PILRB: variants seen among roughly 807,000 people sequenced by gnomAD.
PILRB encodes the protein paired immunoglobin like type 2 receptor beta, also known as paired immunoglobulin-like type 2 receptor beta.
A neutral mutation model predicts 20.5 loss-of-function variants in PILRB; 21 were observed. The observed-to-expected ratio is 1.02, with a 90% CI of 0.72 to 1.47. The LOEUF is 1.47. Among genes scored for constraint, PILRB ranks in the 40% most tolerant of loss-of-function variants. The pLI is 0.00. For synonymous variants in PILRB, 133 were observed against 115.1 expected, an observed-to-expected ratio of 1.16 and a Z score of -0.99; for missense variants, 253 against 272.1, an observed-to-expected ratio of 0.93 and a Z score of 0.49.
chr7:100,363,633 A>G (rs1781097756), intron 3 of PILRB, among the ~76,000 whole-genome samples: 1 of 152,220 alleles, frequency 6.6e-6, no homozygotes, highest in African/African-American at 2.4e-5. Context: ...TGCAAATCCT[A>G]TGAAAACCCC....
chr7:100,367,513 C>A lies in PILRB; in HGVS notation c.*136C>A. On this transcript the variant is annotated 3_prime_UTR_variant, in exon 4 of 4. Transcript: ENST00000609309. ...CCCTGAGGACCTTTAAAAGGCAAAG[C>A]CGCAAGGCAGAAGGAGGCTGGGTCC... is the stretch of plus-strand genomic sequence containing the variant. The A allele has an allele frequency of 1.5e-6, 1 of 685,774 alleles. No individual in the cohort carries two copies. Among genetic ancestry groups the A allele is most frequent in the South Asian group, 1.6e-5 (1 of 63,238 alleles). The allele number at this position is 685,774 out of a possible 1,614,324, so 42.5% of individuals were successfully genotyped here. A position where few individuals can be genotyped will look rare whatever the true frequency, so the allele number is the denominator to read the frequency against.
intron 3 of PILRB, among the ~76,000 whole-genome samples, chr7:100,362,034 A>G (rs1354594995): frequency 6.6e-6 from 1 of 152,188 alleles, no homozygotes; most frequent in African/African-American, 2.4e-5. Flanking sequence ...AGGAGATCAC[A>G]GAAGGTCAAG....
intron 3 of PILRB, 140 bp downstream of exon 3, chr7:100,359,677 T>C: frequency 1.4e-6 from 1 of 711,910 alleles, no homozygotes; most frequent in South Asian, 1.7e-5. Context: ...TGGCCTGTGC[T>C]GGGGCGTCTG....
intron 3 of PILRB, among the ~76,000 whole-genome samples, chr7:100,364,651 CACAATATTAA>C: frequency 6.6e-6 from 1 of 152,300 alleles, no homozygotes; most frequent in South Asian, 2.1e-4. Flanking sequence ...CCTTAGCCTC[CACAATATTAA>C]AAGTAGAACT....
chr7:100,361,066 G>T lies in PILRB; in HGVS notation c.655+1529G>T, dbSNP rs546028406. Among the ~76,000 whole-genome samples the T allele has an allele frequency of 3.9e-5, 6 of 152,242 alleles. No individual in the cohort carries two copies. In the East Asian group the frequency reaches 9.7e-4, roughly 25 times the overall value. On this transcript the variant is annotated intron_variant, in intron 3 of 3. Coordinates refer to ENST00000609309, the MANE Select transcript of PILRB (RefSeq NM_178238.4). ...TTCTCCTGCCTCAGCCTCCTGAGTAGCTGGGACTACAGGCGCCCGCCACCA... is the reference window on the plus strand; with the variant it reads ...TTCTCCTGCCTCAGCCTCCTGAGTATCTGGGACTACAGGCGCCCGCCACCA...
In PILRB at chr7:100,362,603, G is replaced by A. The variant is rs191935200; in HGVS notation, c.655+3066G>A. On this transcript the variant is annotated intron_variant, in intron 3 of 3. Transcript: ENST00000609309. ...GGCTCACTGCAACTTCTGCCTCCCG[G>A]GTTCAAGCGATTCTTCCACCTCATC... 6.9e-3 allele frequency among the ~76,000 whole-genome samples: 1,048 copies of A among 152,050 alleles called. 15 individuals carry two copies. The highest frequency in any genetic ancestry group is 5.9e-3 in the Non-Finnish European group (402 of 67,960).
intron 3 of PILRB, among the ~76,000 whole-genome samples, chr7:100,360,111 C>T (rs767133679): frequency 5.3e-5 from 8 of 152,198 alleles, no homozygotes; most frequent in South Asian, 2.1e-4. Context: ...CAATCATCCA[C>T]GCTCCCCTGA....
intron 2 of PILRB, 39 bp downstream of exon 2, chr7:100,359,118 A>T: frequency 6.2e-7 from 1 of 1,612,776 alleles, no homozygotes; most frequent in Non-Finnish European, 8.5e-7. Context: ...TGCCCACCGC[A>T]GTGAGGGTTT....
At chr7:100,362,913 T>A (rs1010986844) in intron 3 of PILRB, among the ~76,000 whole-genome samples, 2 of 151,874 alleles carry the variant, frequency 1.3e-5, no homozygotes, top group Non-Finnish European at 2.9e-5. Context: ...AGTCTTTCAG[T>A]CATTTTAGGT....
intron 3 of PILRB, among the ~76,000 whole-genome samples, chr7:100,365,006 G>T (rs1286165087): frequency 5.3e-5 from 8 of 151,958 alleles, no homozygotes; most frequent in African/African-American, 1.9e-4. Context: ...TTTTTATTTA[G>T]TTATTTATTT....
rs1010334475 is a variant in PILRB, at chr7:100,367,218, C to G, written c.656-131C>G. 9.7e-6 allele frequency: 8 copies of G among 828,238 alleles called. No homozygotes were observed. The East Asian group carries it at 1.2e-4, about 13-fold the overall frequency. 51.3% of individuals were successfully genotyped at this position (828,238 alleles called of 1,614,324 possible). The stretch of plus-strand genomic sequence containing the variant: ...AGGGACTGTGCTGCTAAGAACCCCA[C>G]AAGCCCAGCCTGCCACAAATTCTCC... On this transcript the variant is annotated intron_variant, in intron 3 of 3. Transcript: ENST00000609309.
At chr7:100,358,461 C>A in intron 1 of PILRB, 95 bp downstream of exon 1, 2 of 1,461,764 alleles carry the variant, frequency 1.4e-6, no homozygotes, top group Non-Finnish European at 1.9e-6. Flanking sequence ...AGGGGCCAGG[C>A]TCCCACCTCC....
chr7:100,367,682 T>C lies in PILRB; in HGVS notation c.*305T>C. 2.5e-6 allele frequency: 1 copy of C among 393,574 alleles called. No homozygotes were observed. The highest frequency in any genetic ancestry group is 4.6e-6 in the Non-Finnish European group (1 of 217,670). The allele number at this position is 393,574 out of a possible 1,614,324, so 24.4% of individuals were successfully genotyped here. A position where few individuals can be genotyped will look rare whatever the true frequency, so the allele number is the denominator to read the frequency against. On this transcript the variant is annotated 3_prime_UTR_variant, in exon 4 of 4. Coordinates refer to ENST00000609309, the MANE Select transcript of PILRB (RefSeq NM_178238.4). ...CTGTTTATTATAGCAGTGCAAAGAGTTCCTTTATCCTCCCCAAGGATGGAA... is the reference window on the plus strand; with the variant it reads ...CTGTTTATTATAGCAGTGCAAAGAGCTCCTTTATCCTCCCCAAGGATGGAA...
intron 3 of PILRB, among the ~76,000 whole-genome samples, chr7:100,366,794 A>C (rs917404766): frequency 6.6e-6 from 1 of 152,088 alleles, no homozygotes; most frequent in African/African-American, 2.4e-5. Context: ...GCTCAGCGAT[A>C]GAGGGAGCCA....
At chr7:100,362,949 G>C (rs561956508) in intron 3 of PILRB, among the ~76,000 whole-genome samples, 1 of 152,030 alleles carries the variant, frequency 6.6e-6, no homozygotes, top group Non-Finnish European at 1.5e-5. Flanking sequence ...TTGCCTCCAA[G>C]ATCAGGAATA....
At position 100,358,313 on chromosome 7, in the gene PILRB, C is replaced by A; in HGVS notation, c.11C>A (p.Pro4His). MGR[P>H]LLLPLLLLLQ... is the part of the protein sequence containing the mutation. ...GAGAAGAACAAGGCCATGGGTCGGC[C>A]CCTGCTGCTGCCCCTGCTGCTCCTG... Residue 4 changes from proline (P) to histidine (H), a missense_variant, in exon 1 of 4, where the codon CCC becomes CAC. Transcript: ENST00000609309. 2 of 1,612,830 alleles carry A rather than the reference C, an allele frequency of 1.2e-6. No homozygotes were observed. Among genetic ancestry groups the A allele is most frequent in the South Asian group, 1.1e-5 (1 of 91,076 alleles).
chr7:100,360,926 T>TTTTTG lies in PILRB; in HGVS notation c.655+1404_655+1408dup, dbSNP rs774827043. Among the ~76,000 whole-genome samples, 36 of 151,992 alleles carry TTTTTG rather than the reference T, an allele frequency of 2.4e-4. 1 individual carries two copies. The highest frequency in any genetic ancestry group is 2.4e-3 in the Admixed American group (36 of 15,238). On this transcript the variant is annotated intron_variant, in intron 3 of 3. Coordinates refer to ENST00000609309, the MANE Select transcript of PILRB (RefSeq NM_178238.4). ...TGCCTCGTTTAGTTCGGAATTTGTT[T>TTTTTG]TTTTGTTTTGTTTTGTTTTTTGTTT...
chr7:100,360,456 G>C (rs766632169), intron 3 of PILRB, among the ~76,000 whole-genome samples: 2 of 152,208 alleles, frequency 1.3e-5, no homozygotes, highest in Non-Finnish European at 2.9e-5. Flanking sequence ...CCTGGCAAGA[G>C]GTGAGGATTG....
At chr7:100,358,471 C>G in intron 1 of PILRB, 105 bp downstream of exon 1, 1 of 1,423,982 alleles carries the variant, frequency 7.0e-7, no homozygotes, top group East Asian at 2.3e-5. Flanking sequence ...CTCCCACCTC[C>G]AGCAAACAAG....
Sources: allele counts gnomAD v4.1 joint callset (sites outside exome capture counted in the v4.1 genomes callset), GRCh38; gene constraint gnomAD v4.1.1; transcripts MANE v1.5; gene names NCBI Gene and HGNC (gene_info 2026-07-23, HGNC 2026-07-21).